Variants in PAPLN observed in about 807,000 individuals in gnomAD.
PAPLN encodes papilin.
A neutral mutation model predicts 159.0 loss-of-function variants in PAPLN; 146 were observed. The ratio of observed to expected loss-of-function variants is 0.92; its 90% CI spans 0.80 to 1.05. The LOEUF (loss-of-function observed/expected upper bound fraction) is 1.05. Ranked by LOEUF, PAPLN falls within the 50% of genes least tolerant of loss-of-function variation. The pLI is 0.00. For missense variants in PAPLN, 1,720 were observed against 1,743.9 expected (o/e 0.99, Z 0.24); for synonymous variants, 734 against 702.9 (o/e 1.04, Z -0.70).
chr14:73,245,840 T>TG lies in PAPLN; in HGVS notation c.231+149dup. The TG allele has an allele frequency of 8.9e-7, 1 of 1,127,676 alleles. No homozygotes were observed. The allele number at this position is 1,127,676 out of a possible 1,614,324, so 69.9% of individuals were successfully genotyped here. ...CCCGCCAATCCACAGCAGGGCTGCG[T>TG]GGGGGCCCCTTCCTCACCCTGCTCC... On this transcript the variant is annotated intron_variant, in intron 4 of 26. Transcript: ENST00000644200. The surrounding 1 kb of genome is among the most constrained non-coding windows in gnomAD (Gnocchi z 4.2).
intron 14 of PAPLN, among the ~76,000 whole-genome samples, chr14:73,257,658 A>C (rs2140263810): frequency 6.6e-6 from 1 of 152,204 alleles, no homozygotes; most frequent in Middle Eastern, 3.4e-3. Flanking sequence ...CAAAAAGTTG[A>C]AAGAAATGCA....
In PAPLN at chr14:73,255,033, G is replaced by T. The variant is rs375422210; in HGVS notation, c.1627+15G>T. ...TCTCCCCCAGGGTAAGGACAGGAGG[G>T]CAGGGAGGAGTCCGGCCTCTGACCT... On this transcript the variant is annotated intron_variant, in intron 14 of 26. Coordinates refer to ENST00000644200, the MANE Select transcript of PAPLN (RefSeq NM_001365906.3). The T allele has an allele frequency of 7.5e-6, 12 of 1,607,922 alleles. No individual in the cohort carries two copies. The African/African-American group carries it at 1.5e-4, about 20-fold the overall frequency.
chr14:73,259,488 C>T lies in PAPLN; in HGVS notation c.1928C>T (p.Thr643Met), dbSNP rs556682596. 63 of 1,605,534 alleles carry T rather than the reference C, an allele frequency of 3.9e-5. No homozygotes were observed. In the East Asian group the frequency reaches 5.4e-4, roughly 14 times the overall value. The change falls in exon 16 of 27, where the codon ACG becomes ATG. Residue 643 changes from threonine to methionine, a missense_variant. Thr to Met is a moderately conservative substitution (Grantham distance 81, BLOSUM62 -1). Coordinates refer to ENST00000644200, the MANE Select transcript of PAPLN (RefSeq NM_001365906.3). ...SPHGCCPDGH[T>M]ASLGPQWQGC... ...CACGGGTGCTGCCCCGATGGCCACA[C>T]GGCATCTCTCGGGCCTCAGTGGCAA...
At chr14:73,266,445 TGGA>T (rs1003574475) in intron 23 of PAPLN, 53 bp from the exon 24 acceptor site, 1 of 1,599,632 alleles carries the variant, frequency 6.3e-7, no homozygotes, top group African/African-American at 1.3e-5. Flanking sequence ...GGGACGGAGC[TGGA>T]GGAGAGGGGA....
At chr14:73,267,910 G>A (rs1887379533) in intron 25 of PAPLN, among the ~76,000 whole-genome samples, 1 of 152,134 alleles carries the variant, frequency 6.6e-6, no homozygotes, top group African/African-American at 2.4e-5. Flanking sequence ...CTTTACAGCT[G>A]TCCATGTTGG....
intron 4 of PAPLN, 71 bp from the exon 5 acceptor site, chr14:73,246,002 C>T (rs1056750850): frequency 6.4e-6 from 9 of 1,401,558 alleles, no homozygotes; most frequent in African/African-American, 6.0e-5. Context: ...TCCCTGGGCT[C>T]GGGCGGGGCG....
intron 3 of PAPLN, 76 bp downstream of exon 3, chr14:73,244,835 G>A (rs372231221): frequency 7.9e-7 from 1 of 1,262,532 alleles, no homozygotes. Context: ...GGGCTAGGTG[G>A]TCGTGGCCTA....
rs1339313359 is a variant in PAPLN at position 73,263,417 on chromosome 14, A to G, written c.2724-228A>G. On this transcript the variant is annotated intron_variant, in intron 19 of 26. Coordinates refer to ENST00000644200, the MANE Select transcript of PAPLN (RefSeq NM_001365906.3). Reference sequence around the variant, plus strand: ...TTTGCACCTACCTTGTTGCTGCTACAAGAACAGGTTGAGGCAGTGATGCTT... The same window carrying G: ...TTTGCACCTACCTTGTTGCTGCTACGAGAACAGGTTGAGGCAGTGATGCTT... 3 of 595,798 alleles carry G rather than the reference A, an allele frequency of 5.0e-6. No individual in the cohort carries two copies. The African/African-American group carries it at 5.6e-5, about 11-fold the overall frequency. The allele number at this position is 595,798 out of a possible 1,614,324, so 36.9% of individuals were successfully genotyped here.
At chr14:73,272,152 T>G in intron 26 of PAPLN, 1 of 183,758 alleles carries the variant, frequency 5.4e-6, no homozygotes, top group Non-Finnish European at 1.1e-5. Context: ...ACAGTTGTCA[T>G]TTAGTAATTC....
intron 25 of PAPLN, among the ~76,000 whole-genome samples, chr14:73,267,425 C>T (rs560380791): frequency 1.3e-5 from 2 of 152,322 alleles, no homozygotes; most frequent in South Asian, 2.1e-4. Flanking sequence ...AGAGTACTCC[C>T]GGGCAGATGG....
chr14:73,239,249 T>C (rs1883283533), intron 1 of PAPLN, among the ~76,000 whole-genome samples: 1 of 152,270 alleles, frequency 6.6e-6, no homozygotes, highest in African/African-American at 2.4e-5. Flanking sequence ...TTATGGAGGC[T>C]GCTTATGGAG....
chr14:73,245,024 C>G lies in PAPLN; in HGVS notation c.170+265C>G. The stretch of plus-strand genomic sequence containing the variant: ...GATGCTGCACCGGCCTGCAGTATGG[C>G]AGGTGCAGTCAATTTTGCTGGAACT... On this transcript the variant is annotated intron_variant, in intron 3 of 26. Transcript: ENST00000644200. This position sits in a 1 kb window ranked among gnomAD's most constrained non-coding sequence, Gnocchi z 4.2. 3 of 342,880 alleles carry G rather than the reference C, an allele frequency of 8.7e-6. No homozygotes were observed. The South Asian group carries it at 1.7e-4, about 19-fold the overall frequency. The allele number at this position is 342,880 out of a possible 1,614,324, so 21.2% of individuals were successfully genotyped here. A position where few individuals can be genotyped will look rare whatever the true frequency, so the allele number is the denominator to read the frequency against.
At chr14:73,243,588 CCT>C (rs1227557058) in intron 2 of PAPLN, 2 of 152,204 alleles carry the variant, frequency 1.3e-5, no homozygotes, top group African/African-American at 2.4e-5. Context: ...CCTGTGGTTT[CCT>C]CTCTCTGCCT....
rs776141089 is a variant in PAPLN at position 73,250,131 on chromosome 14, C to T, written c.465+17C>T. 1.4e-5 allele frequency: 23 copies of T among 1,594,174 alleles called. No homozygotes were observed. The highest frequency in any genetic ancestry group is 1.7e-6 in the Non-Finnish European group (2 of 1,170,664). ...AGCTGCCGGGTGAGTGGTGCCCCAG[C>T]CCCTCCCTGCCTCCGGGCTGCCTGG... On this transcript the variant is annotated intron_variant, in intron 6 of 26. Transcript: ENST00000644200.
At chr14:73,236,358 C>T (rs1193499706), upstream of PAPLN, among the ~76,000 whole-genome samples, 5 of 152,120 alleles carry the variant, frequency 3.3e-5, no homozygotes, top group African/African-American at 9.7e-5. Flanking sequence ...GGACAGAAAC[C>T]GAGGGAGCAG....
intron 1 of PAPLN, among the ~76,000 whole-genome samples, chr14:73,239,127 C>T (rs765602419): frequency 2.4e-4 from 36 of 152,150 alleles, no homozygotes; most frequent in Non-Finnish European, 4.4e-4. Context: ...CACTGCACTG[C>T]ACACTGCCCT....
rs758517728 is a variant in PAPLN at position 73,264,320 on chromosome 14, C to T, written c.2971C>T (p.Gln991Ter). The change falls in exon 21 of 27, where the codon CAA becomes TAA. Residue 991 changes from glutamine (Q) to a stop codon, truncating the protein, a stop_gained. Coordinates refer to ENST00000644200, the MANE Select transcript of PAPLN (RefSeq NM_001365906.3). LOFTEE classifies it high-confidence loss of function. ...TRPGRDSQKI[Q>*]LRIIGGDMAV... ...GCCAGGCCGCGACTCCCAGAAGATCCAACTTCGCATCATAGGTCTCTGTCC... is the reference window on the plus strand; with the variant it reads ...GCCAGGCCGCGACTCCCAGAAGATCTAACTTCGCATCATAGGTCTCTGTCC... The T allele has an allele frequency of 1.9e-6, 3 of 1,613,904 alleles. No individual in the cohort carries two copies. The highest frequency in any genetic ancestry group is 1.7e-6 in the Non-Finnish European group (2 of 1,179,962).
chr14:73,244,309 G>T, intron 2 of PAPLN: 1 of 219,808 alleles, frequency 4.5e-6, no homozygotes, highest in Non-Finnish European at 9.2e-6. Flanking sequence ...CCTACATCAC[G>T]GTTAACCTAC....
chr14:73,259,254 G>C lies in PAPLN; in HGVS notation c.1709-15G>C. ...CAGGTGGACGCACTGTGTGTCTTTT[G>C]CTTCTTCTTTCTAGACTCCAGAGGC... On this transcript the variant is annotated splice_polypyrimidine_tract_variant and intron_variant, in intron 15 of 26. Coordinates refer to ENST00000644200, the MANE Select transcript of PAPLN (RefSeq NM_001365906.3). 3 of 1,539,576 alleles carry C rather than the reference G, an allele frequency of 1.9e-6. No individual in the cohort carries two copies. The highest frequency in any genetic ancestry group is 2.6e-6 in the Non-Finnish European group (3 of 1,140,788).
Sources: gnomAD v4.1 joint callset for allele counts (sites outside exome capture counted in the v4.1 genomes callset) on GRCh38, gnomAD v4.1.1 for gene constraint, Gnocchi (gnomAD v3.1) non-coding constraint, MANE v1.5 for transcripts, NCBI Gene and HGNC (gene_info 2026-07-23, HGNC 2026-07-21) for gene names.